Variants in POU6F1 observed in about 807,000 individuals in gnomAD.
POU6F1 encodes the protein POU class 6 homeobox 1.
POU6F1 carries 9 observed loss-of-function variants against 28.9 expected under a neutral mutation model. That is an observed-to-expected ratio of 0.31 (90% CI 0.19 to 0.54). The LOEUF is 0.54. Ranked by LOEUF, POU6F1 falls within the 20% of genes least tolerant of loss-of-function variation. The probability of loss-of-function intolerance (pLI) is 0.94; values close to 1 mark genes in which losing one functional copy is unlikely to be tolerated. For synonymous variants in POU6F1, 173 were observed against 171.1 expected, an observed-to-expected ratio of 1.01 and a Z score of -0.09; for missense variants, 338 against 426.1, an observed-to-expected ratio of 0.79 and a Z score of 1.82.
Position 51,190,186 on chromosome 12 carries a change from C to A in POU6F1, c.*61G>T. The A allele has an allele frequency of 6.4e-7, 1 of 1,567,834 alleles. No individual in the cohort carries two copies. Among genetic ancestry groups the A allele is most frequent in the South Asian group, 1.2e-5 (1 of 84,852 alleles). ...ATGACAGGTGCTGTCATGGCAGTGG[C>A]TGCAGCCGGATGCCACGGGAAATGG... On this transcript the variant is annotated 3_prime_UTR_variant, in exon 11 of 11. Transcript: ENST00000333640. This position sits in a 1 kb window ranked among gnomAD's most constrained non-coding sequence, Gnocchi z 4.5.
chr12:51,215,384 G>A (rs571156237), intron 1 of POU6F1, among the ~76,000 whole-genome samples: 4 of 151,704 alleles, frequency 2.6e-5, no homozygotes, highest in African/African-American at 4.8e-5. Flanking sequence ...GTGAAACCCC[G>A]TCTCTACTGA....
chr12:51,201,718 T>G (rs1263450945), intron 3 of POU6F1: 1 of 152,112 alleles, frequency 6.6e-6, no homozygotes, highest in Non-Finnish European at 1.5e-5. Flanking sequence ...TTAGGGCATA[T>G]TTAGTAGGAC....
intron 8 of POU6F1, among the ~76,000 whole-genome samples, chr12:51,194,657 A>G (rs1267785599): frequency 6.6e-6 from 1 of 150,756 alleles, no homozygotes; most frequent in Admixed American, 6.6e-5. Context: ...AAAAAAAAAA[A>G]AGCTCATCTG....
Position 51,188,447 on chromosome 12 carries a change from A to C in POU6F1, c.*1800T>G, listed in dbSNP as rs1238875396. ...CCACCTGCTTCCTCACCTCTGCTAC[A>C]CTCTGGCAGGCATGGTTTGTCCAAA... On this transcript the variant is annotated 3_prime_UTR_variant, in exon 11 of 11. Transcript: ENST00000333640. 2 of 152,194 alleles carry C rather than the reference A, an allele frequency of 1.3e-5. No individual in the cohort carries two copies. Among genetic ancestry groups the C allele is most frequent in the Non-Finnish European group, 2.9e-5 (2 of 68,038 alleles). The allele number at this position is 152,194 out of a possible 1,614,324, so 9.4% of individuals were successfully genotyped here.
rs1466676279 is a variant in POU6F1, at chr12:51,217,774, C to G, written c.-180G>C. The G allele has an allele frequency of 6.6e-6, 1 of 151,892 alleles. No homozygotes were observed. The highest frequency in any genetic ancestry group is 1.5e-5 in the Non-Finnish European group (1 of 67,880). 9.4% of individuals were successfully genotyped at this position (151,892 alleles called of 1,614,324 possible). A position where few individuals can be genotyped will look rare whatever the true frequency, so the allele number is the denominator to read the frequency against. On this transcript the variant is annotated 5_prime_UTR_variant, in exon 1 of 11. Coordinates refer to ENST00000333640, the MANE Select transcript of POU6F1 (RefSeq NM_001330422.2). This position sits in a 1 kb window ranked among gnomAD's most constrained non-coding sequence, Gnocchi z 5.3. ...CGGCCGCCGCCCGCAGACAAAGAAG[C>G]CAGTGCGGCTTGGCTGGGCTCGGCT...
chr12:51,197,450 T>C (rs1942911558), intron 6 of POU6F1, among the ~76,000 whole-genome samples: 2 of 152,208 alleles, frequency 1.3e-5, no homozygotes, highest in Admixed American at 6.5e-5. Flanking sequence ...AGCATAGAGC[T>C]GTAAGCTCTG....
At chr12:51,196,211 T>G (rs1430766776) in intron 7 of POU6F1, 38 bp from the exon 8 acceptor site, 1 of 1,435,250 alleles carries the variant, frequency 7.0e-7, no homozygotes, top group South Asian at 1.5e-5. Flanking sequence ...GGTGTGAGGG[T>G]AGCATCCAGC....
At chr12:51,197,407 C>T (rs1481878026) in intron 6 of POU6F1, among the ~76,000 whole-genome samples, 5 of 152,206 alleles carry the variant, frequency 3.3e-5, no homozygotes, top group Non-Finnish European at 4.4e-5. Flanking sequence ...ACGCCTCCCA[C>T]TGCCAAGCCA....
chr12:51,211,031 T>G (rs1331729924), intron 1 of POU6F1, among the ~76,000 whole-genome samples: 2 of 152,212 alleles, frequency 1.3e-5, no homozygotes, highest in Non-Finnish European at 2.9e-5. Flanking sequence ...TTTCCAAATT[T>G]TTTTTGAGCC....
At chr12:51,191,892 C>G (rs951206821) in intron 9 of POU6F1, 128 bp from the exon 10 acceptor site, 1 of 1,149,266 alleles carries the variant, frequency 8.7e-7, no homozygotes, top group Admixed American at 1.9e-5. Flanking sequence ...CACGCACCTT[C>G]AAGACTCTTA....
At chr12:51,207,018 A>G (rs1294268580) in intron 1 of POU6F1, 135 bp from the exon 2 acceptor site, 2 of 374,732 alleles carry the variant, frequency 5.3e-6, no homozygotes, top group African/African-American at 4.2e-5. Context: ...AGAGGTTAAA[A>G]AAAAAAAAAA....
At chr12:51,192,257 G>A in intron 9 of POU6F1, 73 bp downstream of exon 9, 1 of 1,549,906 alleles carries the variant, frequency 6.5e-7, no homozygotes. Context: ...AAGGAAAGCA[G>A]CATCTGAAGA....
At chr12:51,196,737 C>T (rs554716293) in intron 7 of POU6F1, 62 bp downstream of exon 7, 79 of 1,588,602 alleles carry the variant, frequency 5.0e-5, no homozygotes, top group African/African-American at 1.1e-4. Flanking sequence ...AAGACCTGGC[C>T]GCCATCCCCT....
chr12:51,196,242 C>T, intron 7 of POU6F1, 69 bp from the exon 8 acceptor site: 1 of 1,281,814 alleles, frequency 7.8e-7, no homozygotes, highest in South Asian at 1.6e-5. Flanking sequence ...ACCCAGATCC[C>T]CACACCACCA....
At chr12:51,195,937 T>TGCG in intron 8 of POU6F1, 33 bp downstream of exon 8, 1 of 945,500 alleles carries the variant, frequency 1.1e-6, no homozygotes, top group Middle Eastern at 3.3e-4. Flanking sequence ...TAGCAGAGCC[T>TGCG]GCCCCACCCC....
At chr12:51,211,242 G>C (rs906446352) in intron 1 of POU6F1, among the ~76,000 whole-genome samples, 3 of 152,208 alleles carry the variant, frequency 2.0e-5, no homozygotes, top group African/African-American at 7.2e-5. Context: ...CCCCATCCCA[G>C]CAGTAGAATC....
rs558653474 is a variant in POU6F1 at position 51,199,752 on chromosome 12, G to A, written c.361C>T (p.Pro121Ser). The change falls in exon 4 of 11, where the codon CCC becomes TCC. Residue 121 changes from proline (P) to serine (S), a missense_variant. Pro to Ser is a moderately conservative substitution (Grantham distance 74). Around this residue, in one of 3 missense-constraint regions of POU6F1, gnomAD observed 206 missense variants for 225.6 expected, o/e 0.91. Transcript: ENST00000333640. This position sits in a 1 kb window ranked among gnomAD's most constrained non-coding sequence, Gnocchi z 4.1. ...CTCCCGAGGGCAGCCCTTACCTGGG[G>A]GGCAGCTTGTACAGCCAGTGGCGTC... Reference protein sequence around the residue: ...TLTPLAVQAAPQVLTQENLAT... With the variant: ...TLTPLAVQAASQVLTQENLAT... 7.5e-6 allele frequency: 3 copies of A among 399,012 alleles called. No individual in the cohort carries two copies. The highest frequency in any genetic ancestry group is 1.3e-4 in the South Asian group (1 of 7,864). The allele number at this position is 399,012 out of a possible 1,614,324, so 24.7% of individuals were successfully genotyped here. A position where few individuals can be genotyped will look rare whatever the true frequency, so the allele number is the denominator to read the frequency against.
rs1942801696 is a variant in POU6F1, at chr12:51,196,077, A to G, written c.1072T>C (p.Leu358=). Residue 358 remains leucine, a synonymous_variant, in exon 8 of 11, where the codon TTG becomes CTG. Transcript: ENST00000333640. Reference sequence around the variant, plus strand: ...ATCACCTGGCCCTGGGCGTTCAACAACAGCTGGGGGGTCACGGCCTGGACC... The same window carrying G: ...ATCACCTGGCCCTGGGCGTTCAACAGCAGCTGGGGGGTCACGGCCTGGACC... The part of the protein sequence containing the change: ...LQVQAVTPQL[L]LNAQGQVIAT... 6.2e-7 allele frequency: 1 copy of G among 1,607,624 alleles called. No homozygotes were observed. The highest frequency in any genetic ancestry group is 1.3e-5 in the African/African-American group (1 of 74,896).
chr12:51,193,760 A>C (rs542655063), intron 8 of POU6F1, among the ~76,000 whole-genome samples: 3 of 152,180 alleles, frequency 2.0e-5, no homozygotes, highest in Non-Finnish European at 4.4e-5. Context: ...AAATATTAGA[A>C]TTTTTGTAAA....
Sources: allele counts gnomAD v4.1 joint callset (sites outside exome capture counted in the v4.1 genomes callset), GRCh38; gene constraint gnomAD v4.1.1; regional missense constraint gnomAD v4.1.1; non-coding constraint Gnocchi (gnomAD v3.1); transcripts MANE v1.5; gene names NCBI Gene and HGNC (gene_info 2026-07-23, HGNC 2026-07-21).